CMIP: variants seen among roughly 807,000 people sequenced by gnomAD.
The protein encoded by CMIP is C-Maf-inducing protein.
CMIP carries 13 observed loss-of-function variants against 97.3 expected under a neutral mutation model. The observed-to-expected ratio is 0.13, with a 90% CI of 0.09 to 0.21. The LOEUF (loss-of-function observed/expected upper bound fraction) is 0.21, where lower values mean the gene tolerates loss of function less well. Ranked by LOEUF, CMIP falls within the 10% of genes least tolerant of loss-of-function variation. CMIP has a pLI of 1.00. For missense variants in CMIP, 847 were observed against 1,024.9 expected, an observed-to-expected ratio of 0.83 and a Z score of 2.37; for synonymous variants, 538 against 436.3, an observed-to-expected ratio of 1.23 and a Z score of -2.91.
intron 1 of CMIP, among the ~76,000 whole-genome samples, chr16:81,547,254 G>T (rs934811065): frequency 1.3e-5 from 2 of 152,196 alleles, no homozygotes; most frequent in African/African-American, 4.8e-5. Flanking sequence ...GGTTCAGCGC[G>T]GCTGGGTCGT....
At chr16:81,570,277 G>A (rs1452264637) in intron 1 of CMIP, among the ~76,000 whole-genome samples, 1 of 152,176 alleles carries the variant, frequency 6.6e-6, no homozygotes, top group Non-Finnish European at 1.5e-5. Context: ...CCTTCCAAAA[G>A]CCAATCCTAG....
At chr16:81,587,652 G>A (rs1225230045) in intron 1 of CMIP, among the ~76,000 whole-genome samples, 1 of 152,248 alleles carries the variant, frequency 6.6e-6, no homozygotes, top group Non-Finnish European at 1.5e-5. Flanking sequence ...GCTGGAGTGG[G>A]AATCTCAGCC....
intron 10 of CMIP, among the ~76,000 whole-genome samples, chr16:81,684,399 C>T (rs943963897): frequency 3.9e-5 from 6 of 152,214 alleles, no homozygotes; most frequent in Admixed American, 3.3e-4. Flanking sequence ...ATCAGGCCAC[C>T]GTGAGGCCGC....
chr16:81,495,230 G>A (rs2089467492), intron 1 of CMIP: 2 of 1,188,160 alleles, frequency 1.7e-6, no homozygotes, highest in Admixed American at 3.3e-5. Flanking sequence ...GTTTCTCAGT[G>A]AAACAGACAC....
chr16:81,491,050 C>T (rs571670196), intron 1 of CMIP, among the ~76,000 whole-genome samples: 1 of 152,138 alleles, frequency 6.6e-6, no homozygotes, highest in Non-Finnish European at 1.5e-5. Flanking sequence ...AGCCTTGGCT[C>T]TCGTTGGGCT....
intron 1 of CMIP, among the ~76,000 whole-genome samples, chr16:81,580,249 A>G (rs1440852184): frequency 6.6e-6 from 1 of 152,186 alleles, no homozygotes; most frequent in African/African-American, 2.4e-5. Flanking sequence ...TAGGGGACAG[A>G]CAAGAATCAG....
intron 3 of CMIP, among the ~76,000 whole-genome samples, chr16:81,623,317 T>A (rs2092017475): frequency 2.0e-5 from 3 of 152,244 alleles, no homozygotes; most frequent in African/African-American, 7.2e-5. Context: ...GATGTTTGCA[T>A]TCAATTATGG....
chr16:81,700,885 TGTGAC>T (rs1907319942), intron 15 of CMIP, among the ~76,000 whole-genome samples: 1 of 152,070 alleles, frequency 6.6e-6, no homozygotes, highest in South Asian at 2.1e-4. Context: ...TTGGCTGTCC[TGTGAC>T]AGGGATTCGG....
chr16:81,685,044 G>A (rs1905240787), intron 10 of CMIP, among the ~76,000 whole-genome samples: 3 of 152,212 alleles, frequency 2.0e-5, no homozygotes, highest in South Asian at 4.1e-4. Context: ...GCACAAGAGG[G>A]TTCCTCATTC....
intron 17 of CMIP, among the ~76,000 whole-genome samples, chr16:81,703,616 C>CACACACACACAG (rs1647528126): frequency 1.4e-5 from 1 of 69,054 alleles, no homozygotes; most frequent in Non-Finnish European, 4.0e-5. Context: ...CACACACAGA[C>CACACACACACAG]ACACACACAC....
At chr16:81,558,802 A>C (rs2090819477) in intron 1 of CMIP, among the ~76,000 whole-genome samples, 1 of 152,186 alleles carries the variant, frequency 6.6e-6, no homozygotes, top group African/African-American at 2.4e-5. Flanking sequence ...GCTTGGCATA[A>C]AATGTGTTGA....
At chr16:81,701,078 A>G (rs1450030376) in intron 15 of CMIP, among the ~76,000 whole-genome samples, 1 of 151,096 alleles carries the variant, frequency 6.6e-6, no homozygotes, top group African/African-American at 2.4e-5. Context: ...TGAGCCCAGG[A>G]GGTTGAAACT....
chr16:81,609,281 C>T (rs918980725), intron 2 of CMIP, among the ~76,000 whole-genome samples: 6 of 150,650 alleles, frequency 4.0e-5, no homozygotes, highest in African/African-American at 1.2e-4. Flanking sequence ...CCAGACACTT[C>T]TGCCAGCTCC....
At chr16:81,680,357 G>C (rs75248096) in intron 10 of CMIP, among the ~76,000 whole-genome samples, 1 of 152,200 alleles carries the variant, frequency 6.6e-6, no homozygotes, top group Admixed American at 6.5e-5. Flanking sequence ...TGGCTGGGAG[G>C]CACCCTGGGG....
intron 2 of CMIP, among the ~76,000 whole-genome samples, chr16:81,613,514 T>C (rs540318978): frequency 6.6e-6 from 1 of 151,950 alleles, no homozygotes; most frequent in Non-Finnish European, 1.5e-5. Flanking sequence ...AGAACCTCTC[T>C]GGGGCTCATT....
chr16:81,653,153 C>T (rs902489699), intron 4 of CMIP, among the ~76,000 whole-genome samples: 2 of 152,204 alleles, frequency 1.3e-5, no homozygotes, highest in East Asian at 3.8e-4. Flanking sequence ...GCTCACCTGG[C>T]CCTCTGGGAA....
chr16:81,451,049 A>G (rs1906177019), intron 1 of CMIP, among the ~76,000 whole-genome samples: 1 of 152,198 alleles, frequency 6.6e-6, no homozygotes. Context: ...AGTGTATCAC[A>G]GTAATGTAGG....
chr16:81,546,371 C>A (rs549369406), intron 1 of CMIP, among the ~76,000 whole-genome samples: 1 of 152,172 alleles, frequency 6.6e-6, no homozygotes, highest in Non-Finnish European at 1.5e-5. Context: ...TGTAGGGCGG[C>A]GGTCCCTTTA....
intron 1 of CMIP, among the ~76,000 whole-genome samples, chr16:81,456,729 G>A (rs749026698): frequency 3.9e-5 from 6 of 152,216 alleles, no homozygotes; most frequent in Non-Finnish European, 7.3e-5. Context: ...ACTGCCTGTG[G>A]CTGGTAAGCA....
Sources: gnomAD v4.1 joint callset for allele counts (sites outside exome capture counted in the v4.1 genomes callset) on GRCh38, gnomAD v4.1.1 for gene constraint, MANE v1.5 for transcripts, NCBI Gene and HGNC (gene_info 2026-07-23, HGNC 2026-07-21) for gene names.